The following NCAM1 variants were observed in gnomAD, a reference collection of about 807,000 sequenced individuals.
The protein encoded by NCAM1 is antigen recognized by monoclonal antibody 5.1H11.
A neutral mutation model predicts 109.8 loss-of-function variants in NCAM1; 14 were observed. The observed-to-expected ratio is 0.13, with a 90% CI of 0.08 to 0.20. NCAM1 has a LOEUF of 0.20. Ranked by LOEUF, NCAM1 falls within the 10% of genes least tolerant of loss-of-function variation. The pLI is 1.00. For synonymous variants in NCAM1, 418 were observed against 442.9 expected (o/e 0.94, Z 0.70); for missense variants, 774 against 1,109.9 (o/e 0.70, Z 4.30).
At chr11:113,037,511 G>T (rs1952930571) in intron 1 of NCAM1, among the ~76,000 whole-genome samples, 1 of 152,188 alleles carries the variant, frequency 6.6e-6, no homozygotes, top group Non-Finnish European at 1.5e-5. Flanking sequence ...CTTAGCTGCA[G>T]AGACCCCGTC....
At chr11:113,208,343 G>T (rs1555113233) in intron 7 of NCAM1, among the ~76,000 whole-genome samples, 1 of 152,116 alleles carries the variant, frequency 6.6e-6, no homozygotes, top group African/African-American at 2.4e-5. Context: ...CCCTGCAATG[G>T]CCTACAAGAC....
intron 1 of NCAM1, among the ~76,000 whole-genome samples, chr11:113,063,700 C>T (rs1937791578): frequency 6.6e-6 from 1 of 152,202 alleles, no homozygotes; most frequent in South Asian, 2.1e-4. Flanking sequence ...CCTTCCAACA[C>T]ACTCAAACCT....
chr11:113,267,266 C>G (rs1555124516), intron 17 of NCAM1, among the ~76,000 whole-genome samples: 1 of 152,112 alleles, frequency 6.6e-6, no homozygotes, highest in Non-Finnish European at 1.5e-5. Flanking sequence ...CAGGATTGTC[C>G]TAGATGCTGG....
chr11:113,178,608 T>C (rs1431866352), intron 1 of NCAM1, among the ~76,000 whole-genome samples: 1 of 152,180 alleles, frequency 6.6e-6, no homozygotes, highest in Non-Finnish European at 1.5e-5. Flanking sequence ...ACAAACAGCC[T>C]GGTTTCTGGC....
At chr11:113,220,944 T>C (rs1217532063) in intron 8 of NCAM1, among the ~76,000 whole-genome samples, 3 of 152,114 alleles carry the variant, frequency 2.0e-5, no homozygotes, top group Non-Finnish European at 4.4e-5. Context: ...CTCTAGATAA[T>C]GTGGTTAGAA....
intron 1 of NCAM1, among the ~76,000 whole-genome samples, chr11:112,982,575 G>A (rs1951182205): frequency 6.6e-6 from 1 of 151,876 alleles, no homozygotes; most frequent in Admixed American, 6.6e-5. Context: ...GAGGTGATGG[G>A]AGGTGGAATT....
intron 1 of NCAM1, among the ~76,000 whole-genome samples, chr11:113,040,113 G>A (rs1953025884): frequency 6.6e-6 from 1 of 152,186 alleles, no homozygotes; most frequent in Non-Finnish European, 1.5e-5. Flanking sequence ...CTGCACTCCA[G>A]CCTGGGCTAC....
In NCAM1 at chr11:113,128,290, A is replaced by G. The variant is rs558797390; in HGVS notation, c.53-74089A>G. ...CTCAGATGTGTCACTTATTAGCTCCATGAGCTTGGGTATGCAACCTCACAT... is the reference window on the plus strand; with the variant it reads ...CTCAGATGTGTCACTTATTAGCTCCGTGAGCTTGGGTATGCAACCTCACAT... On this transcript the variant is annotated intron_variant, in intron 1 of 19. Transcript: ENST00000316851. Among the ~76,000 whole-genome samples the G allele has an allele frequency of 2.6e-5, 4 of 152,306 alleles. 1 individual carries two copies. The East Asian group carries it at 5.8e-4, about 22-fold the overall frequency.
At chr11:113,002,663 G>C (rs1951787055) in intron 1 of NCAM1, among the ~76,000 whole-genome samples, 1 of 152,080 alleles carries the variant, frequency 6.6e-6, no homozygotes, top group South Asian at 2.1e-4. Context: ...ATCAGTATTG[G>C]GATAATGGAG....
rs566687858 is a variant in NCAM1 at position 113,088,013 on chromosome 11, T to C, written c.53-114366T>C. 9.8e-5 allele frequency among the ~76,000 whole-genome samples: 15 copies of C among 152,318 alleles called. No homozygotes were observed. In the East Asian group the frequency reaches 2.1e-3, roughly 22 times the overall value. Reference sequence around the variant, plus strand: ...AGCATTTGAAAAGAAAAGTTAACATTAACCACCATAACAAGTGGTAGCGTC... The same window carrying C: ...AGCATTTGAAAAGAAAAGTTAACATCAACCACCATAACAAGTGGTAGCGTC... On this transcript the variant is annotated intron_variant, in intron 1 of 19. Coordinates refer to ENST00000316851, the MANE Select transcript of NCAM1 (RefSeq NM_181351.5).
intron 9 of NCAM1, among the ~76,000 whole-genome samples, chr11:113,223,641 C>A (rs1256016973): frequency 1.3e-5 from 2 of 152,196 alleles, no homozygotes; most frequent in Non-Finnish European, 2.9e-5. Flanking sequence ...GTTCTCTTGA[C>A]TTCCAGAAGA....
chr11:113,077,285 A>G (rs1555086303), intron 1 of NCAM1, among the ~76,000 whole-genome samples: 3 of 152,208 alleles, frequency 2.0e-5, no homozygotes, highest in Non-Finnish European at 1.5e-5. Context: ...CAAAGTTTTC[A>G]TGGAGGAGAT....
At position 113,175,808 on chromosome 11, in the gene NCAM1, C is replaced by T. The variant is rs1230963271; in HGVS notation, c.53-26571C>T. 2.6e-5 allele frequency among the ~76,000 whole-genome samples: 4 copies of T among 151,978 alleles called. No homozygotes were observed. In the East Asian group the frequency reaches 5.8e-4, roughly 22 times the overall value. On this transcript the variant is annotated intron_variant, in intron 1 of 19. Transcript: ENST00000316851. ...ATATTTATGCACATGTATAATTATG[C>T]ATATATAAAAATACAAGAGAGGAGA...
chr11:113,165,484 A>G (rs7131082), intron 1 of NCAM1, among the ~76,000 whole-genome samples: 10,388 of 152,146 alleles, frequency 0.068, 717 homozygotes, highest in African/African-American at 0.17. Flanking sequence ...CACTTCTCAG[A>G]CTAAGTCAGG....
At chr11:113,018,021 A>G (rs888499585) in intron 1 of NCAM1, among the ~76,000 whole-genome samples, 4 of 152,306 alleles carry the variant, frequency 2.6e-5, no homozygotes, top group Admixed American at 6.5e-5. Flanking sequence ...TTCCAACTGT[A>G]GTTGGAGTAA....
intron 17 of NCAM1, among the ~76,000 whole-genome samples, chr11:113,268,550 C>G (rs1378291719): frequency 1.3e-5 from 2 of 152,176 alleles, no homozygotes; most frequent in African/African-American, 4.8e-5. Flanking sequence ...TCCTCTCTGG[C>G]ATGCTAGGCT....
In NCAM1 at chr11:113,233,132, G is replaced by A. The variant is rs1945059996; in HGVS notation, c.1523-15G>A. On this transcript the variant is annotated splice_polypyrimidine_tract_variant and intron_variant, in intron 12 of 19. Coordinates refer to ENST00000316851, the MANE Select transcript of NCAM1 (RefSeq NM_181351.5). This position sits in a 1 kb window ranked among gnomAD's most constrained non-coding sequence, Gnocchi z 4.5. The stretch of plus-strand genomic sequence containing the variant: ...ACTGGGCTCACCTGAGTCTCCATAT[G>A]TGTCTTCCCCACAGACACCCCCTCT... The A allele has an allele frequency of 6.2e-7, 1 of 1,609,584 alleles. No individual in the cohort carries two copies. The highest frequency in any genetic ancestry group is 1.3e-5 in the African/African-American group (1 of 74,806).
At chr11:113,163,045 C>A (rs1942655307) in intron 1 of NCAM1, among the ~76,000 whole-genome samples, 1 of 152,176 alleles carries the variant, frequency 6.6e-6, no homozygotes, top group Non-Finnish European at 1.5e-5. Flanking sequence ...TTTTCAAGCT[C>A]TCCGTGCAGC....
intron 9 of NCAM1, chr11:113,231,101 A>AT: frequency 8.2e-7 from 1 of 1,219,300 alleles, no homozygotes; most frequent in Non-Finnish European, 1.1e-6. Flanking sequence ...ACATGTGATT[A>AT]TTTCACTTTT....
Sources: gnomAD v4.1 joint callset for allele counts (sites outside exome capture counted in the v4.1 genomes callset) on GRCh38, gnomAD v4.1.1 for gene constraint, Gnocchi (gnomAD v3.1) non-coding constraint, MANE v1.5 for transcripts, NCBI Gene and HGNC (gene_info 2026-07-23, HGNC 2026-07-21) for gene names.